ZPBP: variants seen among roughly 807,000 people sequenced by gnomAD.
ZPBP encodes zona pellucida-binding protein 1.
In ZPBP, 26 loss-of-function variants were observed where a neutral mutation model predicts 44.8. The ratio of observed to expected loss-of-function variants is 0.58; its 90% CI spans 0.43 to 0.81. ZPBP has a LOEUF of 0.81. ZPBP is among the 30% of genes least tolerant of loss of function. ZPBP has a pLI of 0.00. For missense variants in ZPBP, 409 were observed against 434.0 expected, an observed-to-expected ratio of 0.94 and a Z score of 0.51; for synonymous variants, 174 against 153.2, an observed-to-expected ratio of 1.14 and a Z score of -1.00.
chr7:50,009,922 A>G (rs974228309), intron 6 of ZPBP, among the ~76,000 whole-genome samples: 4 of 152,136 alleles, frequency 2.6e-5, no homozygotes, highest in African/African-American at 7.2e-5. Flanking sequence ...ATTACATACA[A>G]ACTTATTAAA....
At chr7:49,965,412 C>T (rs774738556) in intron 7 of ZPBP, among the ~76,000 whole-genome samples, 1 of 151,830 alleles carries the variant, frequency 6.6e-6, no homozygotes, top group Non-Finnish European at 1.5e-5. Flanking sequence ...TCTATATCCA[C>T]CAAACAAAAT....
chr7:50,000,579 T>G (rs1169376137), intron 6 of ZPBP, among the ~76,000 whole-genome samples: 1 of 152,174 alleles, frequency 6.6e-6, no homozygotes, highest in African/African-American at 2.4e-5. Flanking sequence ...TGTTCTCCAG[T>G]AACTTTGGAC....
intron 7 of ZPBP, among the ~76,000 whole-genome samples, chr7:49,956,040 A>T (rs772183205): frequency 3.9e-5 from 6 of 152,164 alleles, no homozygotes; most frequent in Non-Finnish European, 8.8e-5. Context: ...CATCCTATTG[A>T]TTACAATTAT....
At chr7:49,940,946 G>A (rs1794853569) in intron 7 of ZPBP, among the ~76,000 whole-genome samples, 1 of 152,094 alleles carries the variant, frequency 6.6e-6, no homozygotes, top group Admixed American at 6.6e-5. Context: ...GCCCAGAGAA[G>A]CAGCAGGAGT....
At chr7:49,972,348 T>TA (rs1027365474) in intron 7 of ZPBP, among the ~76,000 whole-genome samples, 2 of 151,906 alleles carry the variant, frequency 1.3e-5, no homozygotes, top group African/African-American at 2.4e-5. Flanking sequence ...CTCAAGATTC[T>TA]AAAAAAAGCA....
At chr7:49,919,883 A>G (rs1326541692) in intron 1 of ZPBP, 1 of 152,204 alleles carries the variant, frequency 6.6e-6, no homozygotes, top group African/African-American at 2.4e-5. Context: ...TACAAAAATC[A>G]TTATGTTCTA....
intron 2 of ZPBP, among the ~76,000 whole-genome samples, chr7:49,879,237 T>C (rs528540320): frequency 1.3e-5 from 2 of 152,330 alleles, no homozygotes; most frequent in East Asian, 1.9e-4. Flanking sequence ...TTATTGAATA[T>C]AGTGAGCAAA....
intron 4 of ZPBP, among the ~76,000 whole-genome samples, chr7:50,033,100 G>A (rs1799675391): frequency 6.6e-6 from 1 of 151,742 alleles, no homozygotes; most frequent in Non-Finnish European, 1.5e-5. Context: ...AGTCAAGAAA[G>A]CTTTTTTTTT....
At chr7:49,896,949 G>T (rs1792416109) in intron 2 of ZPBP, among the ~76,000 whole-genome samples, 1 of 143,258 alleles carries the variant, frequency 7.0e-6, no homozygotes, top group Non-Finnish European at 1.5e-5. Flanking sequence ...ACTGCAGACT[G>T]CAGTGGCGCA....
At chr7:49,918,628 C>A (rs958616824) in intron 1 of ZPBP, 1 of 152,120 alleles carries the variant, frequency 6.6e-6, no homozygotes, top group African/African-American at 2.4e-5. Flanking sequence ...TTTTCTGGAG[C>A]CAAGAGAAGT....
chr7:49,978,388 T>A (rs1796625923), intron 7 of ZPBP, among the ~76,000 whole-genome samples: 1 of 151,978 alleles, frequency 6.6e-6, no homozygotes, highest in Non-Finnish European at 1.5e-5. Context: ...CTTTTCAGTA[T>A]AAATTAATTT....
intron 2 of ZPBP, among the ~76,000 whole-genome samples, chr7:49,856,956 G>A (rs1385887514): frequency 7.7e-6 from 1 of 130,336 alleles, no homozygotes; most frequent in Non-Finnish European, 1.6e-5. Context: ...CTTTCAGTGA[G>A]CTGAGATCGG....
intron 1 of ZPBP, among the ~76,000 whole-genome samples, chr7:49,903,364 A>G (rs1339277569): frequency 6.6e-6 from 1 of 152,238 alleles, no homozygotes; most frequent in Non-Finnish European, 1.5e-5. Flanking sequence ...TTAAATTATT[A>G]AACTGTGGTA....
intron 7 of ZPBP, among the ~76,000 whole-genome samples, chr7:49,960,409 C>CT (rs1795816142): frequency 6.6e-6 from 1 of 151,642 alleles, no homozygotes; most frequent in African/African-American, 2.4e-5. Context: ...GAGCGAGACT[C>CT]TGTCTCAAAA....
At chr7:49,932,914 G>A (rs1247135509), downstream of ZPBP, among the ~76,000 whole-genome samples, 1 of 152,044 alleles carries the variant, frequency 6.6e-6, no homozygotes, top group African/African-American at 2.4e-5. Context: ...TCTCTTGCCT[G>A]CCACCATGCA....
intron 2 of ZPBP, among the ~76,000 whole-genome samples, chr7:49,853,625 G>A (rs1284999376): frequency 2.0e-5 from 3 of 151,716 alleles, no homozygotes; most frequent in African/African-American, 4.8e-5. Context: ...CATACTTTAC[G>A]TAACATAAAG....
At chr7:49,977,968 T>C (rs1796602898) in intron 7 of ZPBP, among the ~76,000 whole-genome samples, 1 of 152,108 alleles carries the variant, frequency 6.6e-6, no homozygotes, top group Non-Finnish European at 1.5e-5. Flanking sequence ...CTGATACACC[T>C]ATGAGTTTTA....
intron 4 of ZPBP, among the ~76,000 whole-genome samples, chr7:50,040,971 G>C (rs956769200): frequency 1.3e-5 from 2 of 152,176 alleles, no homozygotes; most frequent in African/African-American, 4.8e-5. Context: ...GCTTGGTGGG[G>C]GGAGGGGCAT....
chr7:49,984,930 C>T (rs1797191150), intron 6 of ZPBP, among the ~76,000 whole-genome samples: 1 of 152,264 alleles, frequency 6.6e-6, no homozygotes, highest in Non-Finnish European at 1.5e-5. Context: ...CCTAGCTAGG[C>T]CACTGTGCAT....
Sources: allele counts gnomAD v4.1 joint callset (sites outside exome capture counted in the v4.1 genomes callset), GRCh38; gene constraint gnomAD v4.1.1; transcripts MANE v1.5; gene names NCBI Gene and HGNC (gene_info 2026-07-23, HGNC 2026-07-21).